Variants in FANCI observed in about 807,000 individuals in gnomAD.
FANCI encodes FA complementation group I, also known as Fanconi anemia group I protein.
FANCI carries 156 observed loss-of-function variants against 176.1 expected under a neutral mutation model. The observed-to-expected ratio is 0.89, with a 90% CI of 0.78 to 1.01. The LOEUF (loss-of-function observed/expected upper bound fraction) is 1.01. Among genes scored for constraint, FANCI ranks in the 50% least tolerant of loss-of-function variants. The pLI is 0.00. For missense variants in FANCI, 1,678 were observed against 1,534.1 expected (o/e 1.09, Z -1.57); for synonymous variants, 613 against 541.7 (o/e 1.13, Z -1.83).
At chr15:89,313,007 G>A in intron 35 of FANCI, 35 bp downstream of exon 35, 9 of 1,597,944 alleles carry the variant, frequency 5.6e-6, no homozygotes, top group Non-Finnish European at 6.9e-6. Context: ...AAATATGCTT[G>A]TTGGTGAACC....
At chr15:89,253,778 A>G (rs2052370252) in intron 2 of FANCI, among the ~76,000 whole-genome samples, 1 of 92,054 alleles carries the variant, frequency 1.1e-5, no homozygotes, top group Admixed American at 9.6e-5. Context: ...TAATTCATAA[A>G]TAACTTGTGG....
chr15:89,278,770 C>T lies in FANCI; in HGVS notation c.1377C>T (p.Phe459=). ...VTRASSPISH[F]LDLLSNIVMY... ...GAGCATCTTCTCCCATCAGTCATTT[C>T]TTAGGTATTCAACTTTGAAAGAATG... The change falls in exon 14 of 38, where the codon TTC becomes TTT. Residue 459 remains phenylalanine, a synonymous_variant. Coordinates refer to ENST00000310775, the MANE Select transcript of FANCI (RefSeq NM_001113378.2). 4 of 1,610,418 alleles carry T rather than the reference C, an allele frequency of 2.5e-6. No homozygotes were observed. Among genetic ancestry groups the T allele is most frequent in the Non-Finnish European group, 3.4e-6 (4 of 1,176,810 alleles).
At chr15:89,263,348 C>T (rs2052796909) in intron 6 of FANCI, 71 bp from the exon 7 acceptor site, 2 of 1,306,590 alleles carry the variant, frequency 1.5e-6, no homozygotes, top group Middle Eastern at 1.9e-4. Flanking sequence ...GTTTTTTTGT[C>T]CTCATTAATT....
chr15:89,283,047 C>G, intron 16 of FANCI, 89 bp from the exon 17 acceptor site: 1 of 1,254,468 alleles, frequency 8.0e-7, no homozygotes, highest in African/African-American at 1.5e-5. Flanking sequence ...CATATGCCTT[C>G]TCTGTATGCA....
At chr15:89,299,707 G>C (rs888154239) in intron 24 of FANCI, 93 bp from the exon 25 acceptor site, 123 of 1,295,286 alleles carry the variant, frequency 9.5e-5, no homozygotes, top group Middle Eastern at 2.3e-4. Context: ...TAAACTTCTA[G>C]AACTGTTCAC....
intron 1 of FANCI, chr15:89,245,690 G>A (rs1171108033): frequency 1.3e-5 from 2 of 152,250 alleles, no homozygotes; most frequent in African/African-American, 2.4e-5. Flanking sequence ...CATGGCTGGA[G>A]CAGAGTGATG....
At chr15:89,313,986 C>CACACAT (rs2055080662) in intron 35 of FANCI, among the ~76,000 whole-genome samples, 1 of 148,800 alleles carries the variant, frequency 6.7e-6, no homozygotes, top group Admixed American at 6.7e-5. Flanking sequence ...CACACACACA[C>CACACAT]ACACACACAC....
chr15:89,294,305 C>T (rs75200946), intron 23 of FANCI, among the ~76,000 whole-genome samples: 3 of 151,698 alleles, frequency 2.0e-5, no homozygotes, highest in South Asian at 2.1e-4. Context: ...GTAGGGGGTG[C>T]CAGGCATGGT....
Position 89,299,843 on chromosome 15 carries a change from G to T in FANCI, c.2680G>T (p.Glu894Ter), listed in dbSNP as rs965134950. The T allele has an allele frequency of 3.7e-6, 6 of 1,613,890 alleles. No homozygotes were observed. In the African/African-American group the frequency reaches 8.0e-5, roughly 22 times the overall value. ...CACTTCAATTCCTACTTCAGTGGAA[G>T]AGTCGGGAAAGAAAGAGAAAGGAAA... ...RYTSIPTSVE[E>*]SGKKEKGKSI... Residue 894 changes from glutamate to a stop codon, truncating the protein, a stop_gained, in exon 25 of 38, where the codon GAG (glutamate) becomes TAG (stop). Coordinates refer to ENST00000310775, the MANE Select transcript of FANCI (RefSeq NM_001113378.2). LOFTEE classifies it high-confidence loss of function.
chr15:89,286,048 A>G (rs1481110442), intron 18 of FANCI, among the ~76,000 whole-genome samples: 1 of 151,984 alleles, frequency 6.6e-6, no homozygotes, highest in Non-Finnish European at 1.5e-5. Flanking sequence ...CAGTGGCACA[A>G]TCTCGGTTCA....
At chr15:89,244,701 G>A (rs953935037) in intron 1 of FANCI, among the ~76,000 whole-genome samples, 9 of 152,186 alleles carry the variant, frequency 5.9e-5, no homozygotes, top group Non-Finnish European at 7.3e-5. Flanking sequence ...TGGGATCTTG[G>A]AGTCCGGAGC....
intron 24 of FANCI, among the ~76,000 whole-genome samples, chr15:89,297,639 C>T (rs1419929735): frequency 1.3e-5 from 2 of 152,032 alleles, no homozygotes; most frequent in Admixed American, 1.3e-4. Context: ...CAATTGCAGG[C>T]ACTCGGCAGG....
intron 34 of FANCI, among the ~76,000 whole-genome samples, chr15:89,310,866 T>G (rs1359833051): frequency 6.6e-6 from 1 of 152,246 alleles, no homozygotes; most frequent in Non-Finnish European, 1.5e-5. Flanking sequence ...GGCTCATGCC[T>G]GTAATCCCAG....
At chr15:89,313,504 T>C (rs576686122) in intron 35 of FANCI, among the ~76,000 whole-genome samples, 9 of 152,302 alleles carry the variant, frequency 5.9e-5, no homozygotes, top group African/African-American at 2.2e-4. Context: ...GAAATTATTT[T>C]TAGGTAAAGT....
At chr15:89,296,552 T>G (rs2054282698) in intron 24 of FANCI, among the ~76,000 whole-genome samples, 3 of 152,324 alleles carry the variant, frequency 2.0e-5, no homozygotes, top group African/African-American at 7.2e-5. Flanking sequence ...AGAAGAATTT[T>G]TCTTAGTACA....
At chr15:89,312,751 A>C (rs916770427) in intron 34 of FANCI, among the ~76,000 whole-genome samples, 153 bp from the exon 35 acceptor site, 5 of 151,914 alleles carry the variant, frequency 3.3e-5, no homozygotes, top group African/African-American at 1.2e-4. Flanking sequence ...CTCGGGGCGC[A>C]GAGGTTACAG....
At chr15:89,295,711 C>T (rs1226523463) in intron 24 of FANCI, among the ~76,000 whole-genome samples, 2 of 139,138 alleles carry the variant, frequency 1.4e-5, no homozygotes, top group Admixed American at 7.1e-5. Flanking sequence ...GGTCTTTTTT[C>T]TAGTCTTGCC....
chr15:89,298,088 C>G (rs1397977105), intron 24 of FANCI, among the ~76,000 whole-genome samples: 1 of 149,272 alleles, frequency 6.7e-6, no homozygotes, highest in Non-Finnish European at 1.5e-5. Context: ...GAAAACAAAA[C>G]AAAAAAAAAC....
In FANCI at chr15:89,264,597, A is replaced by T. The variant is rs773253030; in HGVS notation, c.745A>T (p.Ser249Cys). The T allele has an allele frequency of 6.2e-7, 1 of 1,612,108 alleles. No individual in the cohort carries two copies. The highest frequency in any genetic ancestry group is 1.1e-5 in the South Asian group (1 of 91,034). Residue 249 changes from serine (S) to cysteine (C), a missense_variant, in exon 9 of 38, where the codon AGT (serine) becomes TGT (cysteine). By Grantham distance (112) the Ser-to-Cys change is moderately radical. Coordinates refer to ENST00000310775, the MANE Select transcript of FANCI (RefSeq NM_001113378.2). Reference sequence around the variant, plus strand: ...AGATAAGCAGCACAATGAGGAACAGAGTGGTGACGAGTGAGTAATATAGTG... The same window carrying T: ...AGATAAGCAGCACAATGAGGAACAGTGTGGTGACGAGTGAGTAATATAGTG... ...ALDKQHNEEQ[S>C]GDELLDVVTV...
Sources: allele counts gnomAD v4.1 joint callset (sites outside exome capture counted in the v4.1 genomes callset), GRCh38; gene constraint gnomAD v4.1.1; transcripts MANE v1.5; gene names NCBI Gene and HGNC (gene_info 2026-07-23, HGNC 2026-07-21).